ATRNL1: variants seen among roughly 807,000 people sequenced by gnomAD.
ATRNL1 encodes attractin like 1.
A neutral mutation model predicts 182.7 loss-of-function variants in ATRNL1; 95 were observed. That is an observed-to-expected ratio of 0.52 (90% CI 0.44 to 0.62). The LOEUF (loss-of-function observed/expected upper bound fraction) is 0.62, where lower values mean the gene tolerates loss of function less well. Among genes scored for constraint, ATRNL1 ranks in the 20% least tolerant of loss-of-function variants. The pLI is 0.00. For synonymous variants in ATRNL1, 576 were observed against 568.3 expected, an observed-to-expected ratio of 1.01 and a Z score of -0.19; for missense variants, 1,471 against 1,679.5, an observed-to-expected ratio of 0.88 and a Z score of 2.17.
At chr10:115,488,829 T>G (rs1353964016) in intron 24 of ATRNL1, among the ~76,000 whole-genome samples, 2 of 152,176 alleles carry the variant, frequency 1.3e-5, no homozygotes, top group Non-Finnish European at 2.9e-5. Context: ...GGTGTCAATT[T>G]TAGATCTTTC....
intron 26 of ATRNL1, among the ~76,000 whole-genome samples, chr10:115,635,633 C>T (rs1204872931): frequency 8.5e-5 from 13 of 152,116 alleles, no homozygotes. Flanking sequence ...CTCTTAGCTA[C>T]ATACCCAATA....
At chr10:115,625,579 GT>G (rs1449274911) in intron 26 of ATRNL1, among the ~76,000 whole-genome samples, 51 of 152,232 alleles carry the variant, frequency 3.4e-4, no homozygotes, top group African/African-American at 1.2e-3. Flanking sequence ...TATCTGGAAA[GT>G]TTTATCCATA....
intron 25 of ATRNL1, among the ~76,000 whole-genome samples, chr10:115,533,800 T>G (rs1851771097): frequency 6.6e-6 from 1 of 151,258 alleles, no homozygotes. Context: ...TCTGGTATGT[T>G]GTGTCTTTGT....
intron 22 of ATRNL1, among the ~76,000 whole-genome samples, chr10:115,466,283 CTCTA>C (rs1278440779): frequency 1.3e-5 from 2 of 151,510 alleles, no homozygotes; most frequent in East Asian, 1.9e-4. Flanking sequence ...TTAATATATT[CTCTA>C]TCTCTCTTAC....
In ATRNL1 at chr10:115,268,355, G is replaced by A. The variant is rs781866727; in HGVS notation, c.2011G>A (p.Ala671Thr). ...AASDDRCYRY[A>T]DCASCTANTN... ...TTCTGATGACAGATGTTACAGATAT[G>A]CAGATTGTGCCAGCTGTACTGCCAA... Residue 671 changes from alanine (A) to threonine (T), a missense_variant, in exon 13 of 29, where the codon GCA (alanine) becomes ACA (threonine). By Grantham distance (58) the Ala-to-Thr change is moderately conservative. Transcript: ENST00000355044. 6.2e-7 allele frequency: 1 copy of A among 1,613,198 alleles called. No homozygotes were observed. The highest frequency in any genetic ancestry group is 1.3e-5 in the African/African-American group (1 of 74,986).
At chr10:115,879,637 T>C (rs1951781813) in intron 28 of ATRNL1, among the ~76,000 whole-genome samples, 2 of 152,132 alleles carry the variant, frequency 1.3e-5, no homozygotes, top group Non-Finnish European at 2.9e-5. Context: ...CTGACTGTGG[T>C]AAATAAACAG....
At chr10:115,112,842 T>C (rs1482545900) in intron 1 of ATRNL1, among the ~76,000 whole-genome samples, 2 of 152,140 alleles carry the variant, frequency 1.3e-5, no homozygotes, top group Non-Finnish European at 2.9e-5. Flanking sequence ...ACCATAGACA[T>C]CTCAATTAAT....
At chr10:115,528,983 T>C (rs142168151) in intron 25 of ATRNL1, among the ~76,000 whole-genome samples, 38 of 152,254 alleles carry the variant, frequency 2.5e-4, no homozygotes, top group African/African-American at 8.4e-4. Flanking sequence ...GAAGATACTT[T>C]GCACATTTAT....
chr10:115,259,572 C>A (rs564302323), intron 10 of ATRNL1, among the ~76,000 whole-genome samples: 1 of 152,184 alleles, frequency 6.6e-6, no homozygotes, highest in Non-Finnish European at 1.5e-5. Flanking sequence ...TTGTGCTTCC[C>A]GGGTGAGGTG....
chr10:115,610,060 A>G (rs1857075583), intron 26 of ATRNL1, among the ~76,000 whole-genome samples: 1 of 152,174 alleles, frequency 6.6e-6, no homozygotes, highest in Non-Finnish European at 1.5e-5. Flanking sequence ...ACTTTCTAAA[A>G]TAGACTTTCA....
chr10:115,370,540 G>C (rs1296132900), intron 19 of ATRNL1, among the ~76,000 whole-genome samples: 1 of 152,236 alleles, frequency 6.6e-6, no homozygotes, highest in Non-Finnish European at 1.5e-5. Flanking sequence ...TTAGCAAAGA[G>C]ACTGGCGGCA....
chr10:115,402,474 T>A (rs1168371141), intron 20 of ATRNL1, among the ~76,000 whole-genome samples: 1 of 152,104 alleles, frequency 6.6e-6, no homozygotes, highest in East Asian at 1.9e-4. Context: ...AAAATTAGTG[T>A]TTTCCCTTAT....
intron 6 of ATRNL1, among the ~76,000 whole-genome samples, chr10:115,163,164 G>C (rs1445351798): frequency 6.6e-6 from 1 of 151,634 alleles, no homozygotes; most frequent in African/African-American, 2.4e-5. Flanking sequence ...ACAAAATATG[G>C]TGATGTAGGA....
At chr10:115,213,824 C>T (rs1360833635) in intron 8 of ATRNL1, among the ~76,000 whole-genome samples, 2 of 151,962 alleles carry the variant, frequency 1.3e-5, no homozygotes, top group Non-Finnish European at 2.9e-5. Flanking sequence ...GAGAATGATG[C>T]TGCTGTTGAT....
chr10:115,642,867 C>T (rs782808473), intron 26 of ATRNL1, among the ~76,000 whole-genome samples: 3 of 152,130 alleles, frequency 2.0e-5, no homozygotes, highest in African/African-American at 4.8e-5. Flanking sequence ...CACTTGATTT[C>T]GAGGCTTATT....
intron 15 of ATRNL1, among the ~76,000 whole-genome samples, chr10:115,289,006 T>C (rs1554920019): frequency 6.6e-6 from 1 of 152,176 alleles, no homozygotes. Context: ...TAAAGACATA[T>C]CCGAGACTGG....
At chr10:115,099,732 TTCTG>T (rs1843694469) in intron 1 of ATRNL1, among the ~76,000 whole-genome samples, 1 of 152,218 alleles carries the variant, frequency 6.6e-6, no homozygotes. Context: ...TCCGTATATC[TTCTG>T]TAATAGGCAT....
chr10:115,600,685 C>A (rs990840949), intron 26 of ATRNL1, among the ~76,000 whole-genome samples: 1 of 151,948 alleles, frequency 6.6e-6, no homozygotes, highest in Non-Finnish European at 1.5e-5. Flanking sequence ...TATAAGCTTG[C>A]TTTGTATATT....
intron 25 of ATRNL1, among the ~76,000 whole-genome samples, chr10:115,537,578 T>G (rs1235308224): frequency 3.3e-5 from 5 of 152,316 alleles, no homozygotes; most frequent in African/African-American, 1.2e-4. Context: ...AAAATCTTCC[T>G]TTTACATTTA....
Sources: allele counts gnomAD v4.1 joint callset (sites outside exome capture counted in the v4.1 genomes callset), GRCh38; gene constraint gnomAD v4.1.1; transcripts MANE v1.5; gene names NCBI Gene and HGNC (gene_info 2026-07-23, HGNC 2026-07-21).